Variants in CATSPERB observed in about 807,000 individuals in gnomAD.
CATSPERB encodes the protein catsper channel auxiliary subunit beta.
A neutral mutation model predicts 128.3 loss-of-function variants in CATSPERB; 93 were observed. The ratio of observed to expected loss-of-function variants is 0.72; its 90% CI spans 0.61 to 0.86. The LOEUF is 0.86. Among genes scored for constraint, CATSPERB ranks in the 40% least tolerant of loss-of-function variants. The pLI is 0.00. For synonymous variants in CATSPERB, 381 were observed against 448.8 expected, an observed-to-expected ratio of 0.85 and a Z score of 1.91; for missense variants, 1,153 against 1,329.5, an observed-to-expected ratio of 0.87 and a Z score of 2.06.
At chr14:91,593,059 T>C (rs1449776998) in intron 22 of CATSPERB, among the ~76,000 whole-genome samples, 1 of 152,080 alleles carries the variant, frequency 6.6e-6, no homozygotes, top group African/African-American at 2.4e-5. Context: ...TTCCACGTGG[T>C]GTTGAGCCTG....
intron 5 of CATSPERB, among the ~76,000 whole-genome samples, chr14:91,713,832 C>T (rs1052039277): frequency 2.0e-5 from 3 of 152,030 alleles, no homozygotes; most frequent in African/African-American, 7.2e-5. Flanking sequence ...TAATGACAAC[C>T]TTACTCAGAT....
At chr14:91,600,124 T>C (rs1893585424) in intron 22 of CATSPERB, among the ~76,000 whole-genome samples, 2 of 152,254 alleles carry the variant, frequency 1.3e-5, no homozygotes, top group South Asian at 2.1e-4. Context: ...CTTTTGGATA[T>C]ATCTAGGAGT....
At chr14:91,724,652 A>T (rs957804917) in intron 3 of CATSPERB, among the ~76,000 whole-genome samples, 1 of 152,124 alleles carries the variant, frequency 6.6e-6, no homozygotes, top group African/African-American at 2.4e-5. Flanking sequence ...GTCTCCCATT[A>T]TTTGAATCAA....
At chr14:91,725,340 A>G (rs1357601527) in intron 2 of CATSPERB, among the ~76,000 whole-genome samples, 172 bp from the exon 3 acceptor site, 1 of 152,216 alleles carries the variant, frequency 6.6e-6, no homozygotes, top group African/African-American at 2.4e-5. Context: ...CTTTTTACAC[A>G]TATGCTATAA....
chr14:91,722,616 A>T (rs1050515790), intron 4 of CATSPERB, among the ~76,000 whole-genome samples: 1 of 152,254 alleles, frequency 6.6e-6, no homozygotes, highest in Admixed American at 6.5e-5. Context: ...TATACTAAAA[A>T]CTATTTAAGT....
At chr14:91,716,566 G>A (rs1458415615) in intron 5 of CATSPERB, among the ~76,000 whole-genome samples, 1 of 152,018 alleles carries the variant, frequency 6.6e-6, no homozygotes, top group Admixed American at 6.6e-5. Flanking sequence ...CAACAGAGCA[G>A]ATTTCGTCTC....
intron 10 of CATSPERB, among the ~76,000 whole-genome samples, chr14:91,686,902 C>A (rs1171814090): frequency 3.3e-5 from 5 of 151,736 alleles, no homozygotes; most frequent in African/African-American, 4.8e-5. Context: ...CTAGTTCATA[C>A]AATGGAATAC....
chr14:91,596,659 G>C (rs190353799), intron 22 of CATSPERB, among the ~76,000 whole-genome samples: 1 of 152,274 alleles, frequency 6.6e-6, no homozygotes, highest in Admixed American at 6.5e-5. Context: ...TAACAATTAT[G>C]ATTATTACTG....
At chr14:91,716,920 A>AGCT (rs1207056135) in intron 5 of CATSPERB, among the ~76,000 whole-genome samples, 17 of 152,330 alleles carry the variant, frequency 1.1e-4, no homozygotes, top group Non-Finnish European at 2.4e-4. Flanking sequence ...TAAATGCAAC[A>AGCT]AAAATTTATG....
intron 15 of CATSPERB, among the ~76,000 whole-genome samples, chr14:91,641,412 T>TA (rs1365907601): frequency 6.6e-5 from 10 of 151,936 alleles, no homozygotes; most frequent in Admixed American, 1.3e-4. Flanking sequence ...TTGATTTTTG[T>TA]ATAAGGTGTA....
At chr14:91,588,483 A>T (rs909200743) in intron 24 of CATSPERB, among the ~76,000 whole-genome samples, 1 of 152,080 alleles carries the variant, frequency 6.6e-6, no homozygotes, top group Non-Finnish European at 1.5e-5. Flanking sequence ...GGACCTCCTT[A>T]GTGATAGGTA....
At chr14:91,583,146 C>T (rs905737943) in intron 26 of CATSPERB, among the ~76,000 whole-genome samples, 11 of 152,198 alleles carry the variant, frequency 7.2e-5, no homozygotes, top group African/African-American at 1.4e-4. Context: ...TGGCTGGGCA[C>T]GGTGGCTCAT....
At chr14:91,622,854 T>G (rs969450989) in intron 18 of CATSPERB, among the ~76,000 whole-genome samples, 3 of 151,814 alleles carry the variant, frequency 2.0e-5, no homozygotes, top group Non-Finnish European at 4.4e-5. Context: ...TTTGTCTACA[T>G]GACTCCAGCC....
At chr14:91,718,646 A>C (rs1368291750) in intron 5 of CATSPERB, among the ~76,000 whole-genome samples, 16 of 152,242 alleles carry the variant, frequency 1.1e-4, no homozygotes, top group Admixed American at 1.0e-3. Context: ...TCTACAAAAA[A>C]AGAAAAATAA....
At chr14:91,624,776 A>T in intron 18 of CATSPERB, 44 bp downstream of exon 18, 1 of 1,385,692 alleles carries the variant, frequency 7.2e-7, no homozygotes. Flanking sequence ...ATAATTTTTC[A>T]TTTTTTTCTA....
chr14:91,717,336 G>A (rs1424982259), intron 5 of CATSPERB, among the ~76,000 whole-genome samples: 1 of 152,084 alleles, frequency 6.6e-6, no homozygotes, highest in East Asian at 1.9e-4. Flanking sequence ...ACACCAAAAA[G>A]GATGTTTCAT....
chr14:91,710,195 A>T (rs953758204), intron 5 of CATSPERB: 1 of 152,416 alleles, frequency 6.6e-6, no homozygotes. Context: ...CTCCATGAAG[A>T]CAGAAAATAG....
chr14:91,604,261 C>T, intron 22 of CATSPERB: 1 of 637,704 alleles, frequency 1.6e-6, no homozygotes, highest in Non-Finnish European at 2.8e-6. Flanking sequence ...CACCCTCCAT[C>T]ACATTGACTG....
intron 26 of CATSPERB, 79 bp from the exon 27 acceptor site, chr14:91,581,186 T>G (rs1049063144): frequency 7.6e-6 from 9 of 1,177,680 alleles, no homozygotes; most frequent in Non-Finnish European, 9.7e-6. Context: ...TTCCCCACAA[T>G]TAATCGGAGA....
Sources: gnomAD v4.1 joint callset for allele counts (sites outside exome capture counted in the v4.1 genomes callset) on GRCh38, gnomAD v4.1.1 for gene constraint, MANE v1.5 for transcripts, NCBI Gene and HGNC (gene_info 2026-07-23, HGNC 2026-07-21) for gene names.